KIAA1549: variants seen among roughly 807,000 people sequenced by gnomAD.
KIAA1549 encodes the protein KIAA1549.
Under a neutral mutation model 156.4 loss-of-function variants are expected in KIAA1549, and 70 were observed. That is an observed-to-expected ratio of 0.45 (90% CI 0.37 to 0.55). The LOEUF (loss-of-function observed/expected upper bound fraction) is 0.55. KIAA1549 is among the 20% of genes least tolerant of loss of function. The probability of loss-of-function intolerance (pLI) is 0.00; values close to 1 mark genes in which losing one functional copy is unlikely to be tolerated. For synonymous variants in KIAA1549, 1,103 were observed against 1,066.4 expected (o/e 1.03, Z -0.67); for missense variants, 2,428 against 2,540.9 (o/e 0.96, Z 0.96).
intron 1 of KIAA1549, among the ~76,000 whole-genome samples, chr7:138,979,492 C>T (rs1814479000): frequency 6.6e-6 from 1 of 152,288 alleles, no homozygotes; most frequent in East Asian, 1.9e-4. Context: ...ATAACTATGC[C>T]TAACTCACAA....
At chr7:138,978,711 C>T (rs991344855) in intron 1 of KIAA1549, among the ~76,000 whole-genome samples, 4 of 152,178 alleles carry the variant, frequency 2.6e-5, no homozygotes, top group Non-Finnish European at 5.9e-5. Context: ...CTAAGCCATG[C>T]CATTTTCTGA....
intron 19 of KIAA1549, among the ~76,000 whole-genome samples, chr7:138,839,192 C>A (rs1286988807): frequency 6.6e-6 from 1 of 152,056 alleles, no homozygotes; most frequent in Non-Finnish European, 1.5e-5. Context: ...TAAGAGCATC[C>A]AGCCATGAAA....
chr7:138,842,641 C>T (rs997400623), intron 18 of KIAA1549, among the ~76,000 whole-genome samples: 4 of 150,034 alleles, frequency 2.7e-5, no homozygotes, highest in Non-Finnish European at 4.4e-5. Flanking sequence ...TGCAGTGCGC[C>T]GAGACTGTGC....
intron 1 of KIAA1549, among the ~76,000 whole-genome samples, chr7:138,941,714 C>T (rs547901809): frequency 1.3e-5 from 2 of 152,264 alleles, no homozygotes; most frequent in East Asian, 3.9e-4. Flanking sequence ...TCACAGGTAC[C>T]TACACTTCCC....
chr7:138,979,263 T>C (rs145620621), intron 1 of KIAA1549, among the ~76,000 whole-genome samples: 202 of 152,368 alleles, frequency 1.3e-3, no homozygotes, highest in African/African-American at 4.6e-3. Context: ...AGGAAAGGAC[T>C]TCCAAAGAAG....
In KIAA1549 at chr7:138,867,783, C is replaced by A. The variant is rs78906629; in HGVS notation, c.4929+192G>T. Among the ~76,000 whole-genome samples the A allele has an allele frequency of 3.5e-3, 538 of 152,286 alleles. 2 individuals are homozygous for A. Among genetic ancestry groups the A allele is most frequent in the Non-Finnish European group, 5.6e-3 (379 of 68,020 alleles). ...ACCCTGGCTGACAGCACTCAAGTCT[C>A]CCCTCAGAAGGGGTGGCACCCCACC... On this transcript the variant is annotated intron_variant, in intron 15 of 19. Coordinates refer to ENST00000422774, the MANE Select transcript of KIAA1549 (RefSeq NM_001164665.2).
Position 138,917,292 on chromosome 7 carries a change from G to GTCAA in KIAA1549, c.2330_2333dup (p.Ile779Ter). On this transcript the variant is annotated stop_gained and frameshift_variant, in exon 2 of 20. Coordinates refer to ENST00000422774, the MANE Select transcript of KIAA1549 (RefSeq NM_001164665.2). LOFTEE classifies it high-confidence loss of function. ...TTGCTTGAATCCCGGCAGTCAAAATGTCAAAAGACTCAGAGCCGGGGGGCA... is the reference window on the plus strand; with the variant it reads ...TTGCTTGAATCCCGGCAGTCAAAATGTCAATCAAAAGACTCAGAGCCGGGGGGCA... The GTCAA allele has an allele frequency of 6.2e-7, 1 of 1,613,850 alleles. No homozygotes were observed. The highest frequency in any genetic ancestry group is 8.5e-7 in the Non-Finnish European group (1 of 1,179,818).
At chr7:138,951,796 T>C (rs752222612) in intron 1 of KIAA1549, among the ~76,000 whole-genome samples, 1 of 152,118 alleles carries the variant, frequency 6.6e-6, no homozygotes, top group Non-Finnish European at 1.5e-5. Context: ...GAAAAGAACA[T>C]AATACATATG....
rs568454134 is a variant in KIAA1549, at chr7:138,918,065, C to G, written c.1561G>C (p.Val521Leu). Residue 521 changes from valine to leucine, a missense_variant, in exon 2 of 20, where the codon GTT becomes CTT. Val to Leu is a conservative substitution (Grantham distance 32). Coordinates refer to ENST00000422774, the MANE Select transcript of KIAA1549 (RefSeq NM_001164665.2). This position sits in a 1 kb window ranked among gnomAD's most constrained non-coding sequence, Gnocchi z 4.2. ...VDMSSVTTTQ[V>L]PPAHGRLSVP... ...GAGAGGCGGCCGTGGGCAGGGGGAA[C>G]CTGTGTGGTTGTAACACTACTCATA... The G allele has an allele frequency of 6.2e-7, 1 of 1,613,378 alleles. No homozygotes were observed. The highest frequency in any genetic ancestry group is 1.7e-5 in the Admixed American group (1 of 59,960).
At chr7:138,878,336 G>A (rs923978572) in intron 12 of KIAA1549, among the ~76,000 whole-genome samples, 2 of 152,214 alleles carry the variant, frequency 1.3e-5, no homozygotes, top group African/African-American at 4.8e-5. Flanking sequence ...GGCCACAAGC[G>A]TGTCAGTGAG....
At chr7:138,946,463 G>C (rs1006799594) in intron 1 of KIAA1549, among the ~76,000 whole-genome samples, 7 of 152,068 alleles carry the variant, frequency 4.6e-5, no homozygotes, top group African/African-American at 1.4e-4. Context: ...ACAAACTAAA[G>C]ATATTCTAAA....
intron 1 of KIAA1549, among the ~76,000 whole-genome samples, chr7:138,936,692 C>A (rs1012646866): frequency 2.0e-5 from 3 of 151,980 alleles, no homozygotes; most frequent in African/African-American, 7.3e-5. Flanking sequence ...CCACCTTGTC[C>A]AAACAGTGTC....
intron 12 of KIAA1549, among the ~76,000 whole-genome samples, chr7:138,874,853 G>A (rs950013443): frequency 1.3e-5 from 2 of 151,924 alleles, no homozygotes; most frequent in Non-Finnish European, 2.9e-5. Context: ...AAAATAACCC[G>A]GCGTGGTGGT....
At chr7:138,887,288 A>G (rs996091355) in intron 10 of KIAA1549, among the ~76,000 whole-genome samples, 3 of 152,176 alleles carry the variant, frequency 2.0e-5, no homozygotes, top group Non-Finnish European at 4.4e-5. Flanking sequence ...TTAAATATTT[A>G]TTTACATAAA....
Position 138,981,226 on chromosome 7 carries a change from C to T in KIAA1549, c.44G>A (p.Gly15Glu). ...CAGCGCGACCCCGGCGCGGGGCTTC[C>T]CCTCCATGGCCGCGCCTCGGCGTCG... ...RRRRRGAAME[G>E]KPRAGVALAP... The change falls in exon 1 of 20, where the codon GGG (glycine) becomes GAG (glutamate). Residue 15 changes from glycine to glutamate, a missense_variant. By Grantham distance (98) the Gly-to-Glu change is moderately conservative. This residue lies in a region of KIAA1549 where 893 missense variants were observed against 847.9 expected (regional missense o/e 1.05). Transcript: ENST00000422774. The surrounding 1 kb of genome is among the most constrained non-coding windows in gnomAD (Gnocchi z 4.5). The T allele has an allele frequency of 5.0e-6, 5 of 997,354 alleles. No homozygotes were observed. The highest frequency in any genetic ancestry group is 6.0e-6 in the Non-Finnish European group (5 of 839,422). The allele number at this position is 997,354 out of a possible 1,614,324, so 61.8% of individuals were successfully genotyped here. A position where few individuals can be genotyped will look rare whatever the true frequency, so the allele number is the denominator to read the frequency against.
rs576880138 is a variant in KIAA1549, at chr7:138,977,266, A to G, written c.187+3817T>C. Among the ~76,000 whole-genome samples, 7 of 152,374 alleles carry G rather than the reference A, an allele frequency of 4.6e-5. No individual in the cohort carries two copies. In the East Asian group the frequency reaches 9.6e-4, roughly 21 times the overall value. On this transcript the variant is annotated intron_variant, in intron 1 of 19. Transcript: ENST00000422774. The stretch of plus-strand genomic sequence containing the variant: ...TTCTAATACATAAAGATTTAAATAC[A>G]TATCTATGCCACAACAGGTAAATAA...
chr7:138,977,752 T>C (rs1300393253), intron 1 of KIAA1549, among the ~76,000 whole-genome samples: 1 of 151,084 alleles, frequency 6.6e-6, no homozygotes, highest in Non-Finnish European at 1.5e-5. Context: ...CAGGCTGGAG[T>C]ACAATGGCGC....
At chr7:138,965,488 G>A (rs926816506) in intron 1 of KIAA1549, among the ~76,000 whole-genome samples, 6 of 152,124 alleles carry the variant, frequency 3.9e-5, no homozygotes, top group Non-Finnish European at 8.8e-5. Flanking sequence ...ACCACGCCCG[G>A]CAACGTTTTC....
chr7:138,917,177 C>A lies in KIAA1549; in HGVS notation c.2449G>T (p.Ala817Ser). ...TLTPPDDQIS[A>S]LDGHVSVLAS... ...AGGACAGACACGTGACCGTCTAGAG[C>A]ACTGATTTGGTCGTCAGGAGGTGTC... The change falls in exon 2 of 20, where the codon GCT (alanine) becomes TCT (serine). Residue 817 changes from alanine to serine, a missense_variant. Transcript: ENST00000422774. 6.2e-7 allele frequency: 1 copy of A among 1,613,932 alleles called. No individual in the cohort carries two copies. Among genetic ancestry groups the A allele is most frequent in the Non-Finnish European group, 8.5e-7 (1 of 1,179,884 alleles).
Sources: allele counts gnomAD v4.1 joint callset (sites outside exome capture counted in the v4.1 genomes callset), GRCh38; gene constraint gnomAD v4.1.1; regional missense constraint gnomAD v4.1.1; non-coding constraint Gnocchi (gnomAD v3.1); transcripts MANE v1.5; gene names NCBI Gene and HGNC (gene_info 2026-07-23, HGNC 2026-07-21).